Variants in SDK1 observed in about 807,000 individuals in gnomAD.
The protein encoded by SDK1 is protein sidekick-1.
Under a neutral mutation model 245.5 loss-of-function variants are expected in SDK1, and 157 were observed. That is an observed-to-expected ratio of 0.64 (90% CI 0.56 to 0.73). The LOEUF (loss-of-function observed/expected upper bound fraction) is 0.73. SDK1 is among the 30% of genes least tolerant of loss of function. The probability of loss-of-function intolerance (pLI) is 0.00; values close to 1 mark genes in which losing one functional copy is unlikely to be tolerated. For synonymous variants in SDK1, 1,647 were observed against 1,278.5 expected, an observed-to-expected ratio of 1.29 and a Z score of -6.15; for missense variants, 3,583 against 3,002.3, an observed-to-expected ratio of 1.19 and a Z score of -4.52.
chr7:4,053,691 C>T (rs953721891), intron 19 of SDK1, among the ~76,000 whole-genome samples: 14 of 152,080 alleles, frequency 9.2e-5, no homozygotes, highest in Non-Finnish European at 1.6e-4. Context: ...GCCATTGACT[C>T]AAGGTCTATG....
At chr7:4,176,014 A>C (rs892780154) in intron 34 of SDK1, among the ~76,000 whole-genome samples, 180 bp downstream of exon 34, 11 of 152,254 alleles carry the variant, frequency 7.2e-5, no homozygotes, top group Admixed American at 7.2e-4. Flanking sequence ...AGAAGCTTCT[A>C]GAAACAGAGG....
chr7:3,321,713 T>C (rs866410595), intron 1 of SDK1, among the ~76,000 whole-genome samples: 16 of 75,904 alleles, frequency 2.1e-4, no homozygotes, highest in South Asian at 6.8e-4. Context: ...CTCCTCCCCC[T>C]CCCTCTCCCC....
chr7:3,584,755 T>C (rs1416737715), intron 1 of SDK1, among the ~76,000 whole-genome samples: 1 of 150,074 alleles, frequency 6.7e-6, no homozygotes, highest in South Asian at 2.1e-4. Context: ...AGATGGAGTC[T>C]CGCTGTCCCC....
At position 3,505,123 on chromosome 7, in the gene SDK1, G is replaced by A. The variant is rs531793342; in HGVS notation, c.299-113957G>A. 8.6e-4 allele frequency among the ~76,000 whole-genome samples: 131 copies of A among 152,138 alleles called. 1 individual carries two copies. The highest frequency in any genetic ancestry group is 1.5e-3 in the Non-Finnish European group (105 of 68,016). On this transcript the variant is annotated intron_variant, in intron 1 of 44. Transcript: ENST00000404826. ...CTTGTACATACTTCGTCAGAATAAA[G>A]TAGGAATGTTACTTTTTTCATAATC...
chr7:4,032,708 A>G (rs1787912703), intron 17 of SDK1, among the ~76,000 whole-genome samples: 1 of 152,234 alleles, frequency 6.6e-6, no homozygotes, highest in Admixed American at 6.5e-5. Flanking sequence ...AATCAGAGAG[A>G]AGATCCCATT....
chr7:3,977,767 C>T (rs1783072463), intron 13 of SDK1, among the ~76,000 whole-genome samples: 1 of 152,236 alleles, frequency 6.6e-6, no homozygotes, highest in South Asian at 2.1e-4. Context: ...ACAGAAGCAC[C>T]TTGGTGGCAC....
intron 35 of SDK1, among the ~76,000 whole-genome samples, chr7:4,193,159 ATATT>A (rs1029260850): frequency 7.4e-6 from 1 of 134,668 alleles, no homozygotes; most frequent in East Asian, 2.0e-4. Context: ...TATATAATAT[ATATT>A]AAAATATTTA....
chr7:4,077,196 A>G lies in SDK1; in HGVS notation c.3202+7A>G. ...TCTTCTGGAGTGCCCCCAGGTCAGT[A>G]GAATCGTGTGCGGTCCTCCTGCTGT... On this transcript the variant is annotated splice_region_variant and intron_variant, in intron 21 of 44. Transcript: ENST00000404826. 1 of 1,613,428 alleles carries G rather than the reference A, an allele frequency of 6.2e-7. No homozygotes were observed. The highest frequency in any genetic ancestry group is 8.5e-7 in the Non-Finnish European group (1 of 1,179,560).
intron 5 of SDK1, among the ~76,000 whole-genome samples, chr7:3,931,112 A>G (rs1325662939): frequency 1.3e-5 from 2 of 152,206 alleles, no homozygotes; most frequent in African/African-American, 4.8e-5. Context: ...ATAAGGATTC[A>G]GCCAAAGACA....
At chr7:3,446,710 A>G (rs189670936) in intron 1 of SDK1, among the ~76,000 whole-genome samples, 16 of 152,300 alleles carry the variant, frequency 1.1e-4, no homozygotes, top group East Asian at 7.7e-4. Context: ...TTATTATTCT[A>G]TTTGAATTCA....
chr7:3,457,344 C>G (rs1252056550), intron 1 of SDK1, among the ~76,000 whole-genome samples: 1 of 152,174 alleles, frequency 6.6e-6, no homozygotes, highest in Non-Finnish European at 1.5e-5. Flanking sequence ...CACCTTTCTT[C>G]TTGCAGGAAG....
intron 1 of SDK1, among the ~76,000 whole-genome samples, chr7:3,399,518 A>C (rs1031611328): frequency 6.6e-6 from 1 of 152,070 alleles, no homozygotes; most frequent in Non-Finnish European, 1.5e-5. Flanking sequence ...AAACACTATA[A>C]ATTTTAAATT....
intron 1 of SDK1, among the ~76,000 whole-genome samples, chr7:3,598,626 C>T (rs991337410): frequency 6.6e-6 from 1 of 152,202 alleles, no homozygotes; most frequent in African/African-American, 2.4e-5. Context: ...CCCTTGTCCC[C>T]ATCCCTGGCC....
At chr7:3,369,443 C>T (rs977157624) in intron 1 of SDK1, among the ~76,000 whole-genome samples, 1 of 151,776 alleles carries the variant, frequency 6.6e-6, no homozygotes. Context: ...AGAGATTATA[C>T]AGCCTGCAAA....
At position 4,230,131 on chromosome 7, in the gene SDK1, G is replaced by T. The variant is rs111211153; in HGVS notation, c.5828-3124G>T. 8.5e-3 allele frequency among the ~76,000 whole-genome samples: 1,143 copies of T among 135,258 alleles called. 18 individuals carry two copies. Among genetic ancestry groups the T allele is most frequent in the African/African-American group, 0.03 (1,081 of 36,194 alleles). 88.7% of individuals were successfully genotyped at this position (135,258 alleles called of 152,430 possible). On this transcript the variant is annotated intron_variant, in intron 40 of 44. Transcript: ENST00000404826. ...AGGTGGATGAGTGGGTGGCTGGTGGGTGAGTGGATGGATAGATGAATGGAA... is the reference window on the plus strand; with the variant it reads ...AGGTGGATGAGTGGGTGGCTGGTGGTTGAGTGGATGGATAGATGAATGGAA...
chr7:3,628,802 T>C (rs565905183), intron 2 of SDK1, among the ~76,000 whole-genome samples: 1 of 152,212 alleles, frequency 6.6e-6, no homozygotes, highest in East Asian at 1.9e-4. Context: ...CAGTGAAAGA[T>C]TGTGATCGCT....
chr7:3,435,928 A>T (rs144825022), intron 1 of SDK1, among the ~76,000 whole-genome samples: 1 of 152,240 alleles, frequency 6.6e-6, no homozygotes, highest in Non-Finnish European at 1.5e-5. Flanking sequence ...AGGTTCTTCT[A>T]TTGGATGTAG....
intron 5 of SDK1, among the ~76,000 whole-genome samples, chr7:3,938,115 G>A (rs1045696540): frequency 6.6e-6 from 1 of 152,184 alleles, no homozygotes; most frequent in Non-Finnish European, 1.5e-5. Context: ...GGGATTACAG[G>A]CATAAGCTAC....
chr7:3,859,358 C>T (rs1443697723), intron 5 of SDK1, among the ~76,000 whole-genome samples: 3 of 152,088 alleles, frequency 2.0e-5, no homozygotes, highest in African/African-American at 4.8e-5. Flanking sequence ...AGGGTAGTTG[C>T]AGTTCTTCCA....
Sources: allele counts gnomAD v4.1 joint callset (sites outside exome capture counted in the v4.1 genomes callset), GRCh38; gene constraint gnomAD v4.1.1; transcripts MANE v1.5; gene names NCBI Gene and HGNC (gene_info 2026-07-23, HGNC 2026-07-21).